KIRREL3: variants seen among roughly 807,000 people sequenced by gnomAD.
The protein encoded by KIRREL3 is kirre like nephrin family adhesion molecule 3, also known as kin of IRRE-like protein 3.
In KIRREL3, 36 loss-of-function variants were observed where a neutral mutation model predicts 89.7. That is an observed-to-expected ratio of 0.40 (90% CI 0.31 to 0.53). KIRREL3 has a LOEUF of 0.53. Ranked by LOEUF, KIRREL3 falls within the 20% of genes least tolerant of loss-of-function variation. The probability of loss-of-function intolerance (pLI) is 0.49; values close to 1 mark genes in which losing one functional copy is unlikely to be tolerated. For missense variants in KIRREL3, 864 were observed against 1,056.6 expected, an observed-to-expected ratio of 0.82 and a Z score of 2.53; for synonymous variants, 445 against 441.4, an observed-to-expected ratio of 1.01 and a Z score of -0.10.
In KIRREL3 at chr11:126,764,495, T is replaced by C. The variant is rs1008129435; in HGVS notation, c.56-201583A>G. Among the ~76,000 whole-genome samples, 1 of 152,198 alleles carries C rather than the reference T, an allele frequency of 6.6e-6. No homozygotes were observed. Among genetic ancestry groups the C allele is most frequent in the African/African-American group, 2.4e-5 (1 of 41,452 alleles). On this transcript the variant is annotated intron_variant, in intron 1 of 16. Coordinates refer to ENST00000525144, the MANE Select transcript of KIRREL3 (RefSeq NM_032531.4). The surrounding 1 kb of genome is among the most constrained non-coding windows in gnomAD (Gnocchi z 4.2). ...CAGAAGCAGTGAGGATCTTTCATCA[T>C]ATGCGCCTCTGATGCTCAACAACCT...
In KIRREL3 at chr11:126,708,570, C is replaced by T. The variant is rs189993164; in HGVS notation, c.56-145658G>A. 1.1e-3 allele frequency among the ~76,000 whole-genome samples: 172 copies of T among 152,244 alleles called. 1 individual carries two copies. Among genetic ancestry groups the T allele is most frequent in the Middle Eastern group, 3.4e-3 (1 of 294 alleles). On this transcript the variant is annotated intron_variant, in intron 1 of 16. Coordinates refer to ENST00000525144, the MANE Select transcript of KIRREL3 (RefSeq NM_032531.4). This position sits in a 1 kb window ranked among gnomAD's most constrained non-coding sequence, Gnocchi z 5.7. Reference sequence around the variant, plus strand: ...CTTCATTAACAAGTTGCTGTTCCGACGTGGGCTCCGGGGTGGGGAAGGAAG... The same window carrying T: ...CTTCATTAACAAGTTGCTGTTCCGATGTGGGCTCCGGGGTGGGGAAGGAAG...
At position 126,780,495 on chromosome 11, in the gene KIRREL3, A is replaced by G. The variant is rs1950296086; in HGVS notation, c.56-217583T>C. Among the ~76,000 whole-genome samples, 1 of 152,230 alleles carries G rather than the reference A, an allele frequency of 6.6e-6. No individual in the cohort carries two copies. The highest frequency in any genetic ancestry group is 2.1e-4 in the South Asian group (1 of 4,834). ...TCAGAATGACAGAGAATAAATCACC[A>G]GATTTGCTTGGCTTCTTTGAAAAAT... is the stretch of plus-strand genomic sequence containing the variant. On this transcript the variant is annotated intron_variant, in intron 1 of 16. Coordinates refer to ENST00000525144, the MANE Select transcript of KIRREL3 (RefSeq NM_032531.4). The surrounding 1 kb of genome is among the most constrained non-coding windows in gnomAD (Gnocchi z 5.3).
At chr11:126,858,505 CTCTCTG>C (rs1944608536) in intron 1 of KIRREL3, among the ~76,000 whole-genome samples, 1 of 152,140 alleles carries the variant, frequency 6.6e-6, no homozygotes. Context: ...AGTTAGCAAT[CTCTCTG>C]TCTCTGTCTC....
In KIRREL3 at chr11:126,785,586, G is replaced by A. The variant is rs145443288; in HGVS notation, c.55+214869C>T. 6.6e-3 allele frequency among the ~76,000 whole-genome samples: 1,001 copies of A among 152,174 alleles called. 9 individuals carry two copies. The highest frequency in any genetic ancestry group is 0.023 in the African/African-American group (958 of 41,522). ...ATAAAACAACACTGCTGATTAAAAA[G>A]CCTATAGAAGGCCAGGTGCAGTGGC... On this transcript the variant is annotated intron_variant, in intron 1 of 16. Coordinates refer to ENST00000525144, the MANE Select transcript of KIRREL3 (RefSeq NM_032531.4).
intron 1 of KIRREL3, among the ~76,000 whole-genome samples, chr11:126,930,404 T>C (rs1164677233): frequency 6.6e-6 from 1 of 152,196 alleles, no homozygotes; most frequent in Admixed American, 6.5e-5. Context: ...AGCATTGGAA[T>C]TGGGCTGCTC....
chr11:126,612,570 GT>G lies in KIRREL3; in HGVS notation c.56-49659del, dbSNP rs923350927. On this transcript the variant is annotated intron_variant, in intron 1 of 16. Coordinates refer to ENST00000525144, the MANE Select transcript of KIRREL3 (RefSeq NM_032531.4). The surrounding 1 kb of genome is among the most constrained non-coding windows in gnomAD (Gnocchi z 4.5). Reference sequence around the variant, plus strand: ...AAAATAGACAGTTCAGTAGTTTTAAGTATATTTACAACATTTTGCAACCATG... The same window carrying G: ...AAAATAGACAGTTCAGTAGTTTTAAGATATTTACAACATTTTGCAACCATG... 1.4e-4 allele frequency among the ~76,000 whole-genome samples: 22 copies of G among 152,132 alleles called. No individual in the cohort carries two copies. Among genetic ancestry groups the G allele is most frequent in the African/African-American group, 4.8e-4 (20 of 41,428 alleles).
At chr11:126,811,000 G>A (rs193103276) in intron 1 of KIRREL3, among the ~76,000 whole-genome samples, 4 of 152,194 alleles carry the variant, frequency 2.6e-5, no homozygotes, top group African/African-American at 9.6e-5. Context: ...CCTTGCAGCC[G>A]GTCTGACAAA....
intron 1 of KIRREL3, among the ~76,000 whole-genome samples, chr11:126,741,051 T>C (rs2134219104): frequency 6.6e-6 from 1 of 152,326 alleles, no homozygotes; most frequent in Admixed American, 6.5e-5. Context: ...AACCATCTCC[T>C]GGCATTACAT....
chr11:126,889,797 T>A (rs1007290871), intron 1 of KIRREL3, among the ~76,000 whole-genome samples: 1 of 152,232 alleles, frequency 6.6e-6, no homozygotes, highest in Non-Finnish European at 1.5e-5. Flanking sequence ...TAATTAGATA[T>A]CTTTTGCAGG....
At chr11:126,963,356 C>A (rs1369027687) in intron 1 of KIRREL3, among the ~76,000 whole-genome samples, 2 of 151,834 alleles carry the variant, frequency 1.3e-5, no homozygotes, top group Admixed American at 1.3e-4. Context: ...CAGACACACA[C>A]ACAGATTCTT....
chr11:126,662,614 T>A lies in KIRREL3; in HGVS notation c.56-99702A>T, dbSNP rs146788559. On this transcript the variant is annotated intron_variant, in intron 1 of 16. Coordinates refer to ENST00000525144, the MANE Select transcript of KIRREL3 (RefSeq NM_032531.4). Reference sequence around the variant, plus strand: ...TGCATAAGGGCATTAATCCCATTAATGAGGAAGGAAGTCTCATAGCCTGAT... The same window carrying A: ...TGCATAAGGGCATTAATCCCATTAAAGAGGAAGGAAGTCTCATAGCCTGAT... Among the ~76,000 whole-genome samples, 169 of 152,352 alleles carry A rather than the reference T, an allele frequency of 1.1e-3. 1 individual carries two copies. The highest frequency in any genetic ancestry group is 3.4e-3 in the Middle Eastern group (1 of 294).
chr11:126,669,110 A>G lies in KIRREL3; in HGVS notation c.56-106198T>C, dbSNP rs1223010628. Among the ~76,000 whole-genome samples, 4 of 152,076 alleles carry G rather than the reference A, an allele frequency of 2.6e-5. No homozygotes were observed. The highest frequency in any genetic ancestry group is 7.2e-5 in the African/African-American group (3 of 41,406). ...CTAATCAAAGGATTTCTGGCTCCCA[A>G]CTTGTCTGCTCTTTGTTTTGTTTTT... On this transcript the variant is annotated intron_variant, in intron 1 of 16. Coordinates refer to ENST00000525144, the MANE Select transcript of KIRREL3 (RefSeq NM_032531.4). This position sits in a 1 kb window ranked among gnomAD's most constrained non-coding sequence, Gnocchi z 5.0.
At chr11:126,439,820 A>G (rs1320727471) in intron 11 of KIRREL3, among the ~76,000 whole-genome samples, 6 of 150,730 alleles carry the variant, frequency 4.0e-5, no homozygotes, top group Admixed American at 1.3e-4. Context: ...TCCATCTCAA[A>G]AAACAAACAC....
At chr11:126,849,176 C>T (rs1944251421) in intron 1 of KIRREL3, among the ~76,000 whole-genome samples, 2 of 152,286 alleles carry the variant, frequency 1.3e-5, no homozygotes, top group South Asian at 2.1e-4. Flanking sequence ...CCCACTCAAA[C>T]CAAGATGTCG....
intron 1 of KIRREL3, among the ~76,000 whole-genome samples, chr11:126,799,415 C>G (rs112317894): frequency 2.1e-3 from 1 of 480 alleles, no homozygotes; most frequent in African/African-American, 7.6e-3. Flanking sequence ...TCTGTGTGTG[C>G]GTCTCTGTGT....
At position 126,516,302 on chromosome 11, in the gene KIRREL3, G is replaced by A. The variant is rs1958406617; in HGVS notation, c.433+5013C>T. ...TATTAGAACGGGCCAGGAAGAAGAG[G>A]GAAATGAGGAGGGAGACTGGGAAAA... On this transcript the variant is annotated intron_variant, in intron 4 of 16. Coordinates refer to ENST00000525144, the MANE Select transcript of KIRREL3 (RefSeq NM_032531.4). The surrounding 1 kb of genome is among the most constrained non-coding windows in gnomAD (Gnocchi z 4.9). 6.6e-6 allele frequency among the ~76,000 whole-genome samples: 1 copy of A among 152,054 alleles called. No individual in the cohort carries two copies. Among genetic ancestry groups the A allele is most frequent in the Non-Finnish European group, 1.5e-5 (1 of 68,020 alleles).
rs1243481281 is a variant in KIRREL3 at position 126,642,298 on chromosome 11, C to A, written c.56-79386G>T. Among the ~76,000 whole-genome samples the A allele has an allele frequency of 6.6e-6, 1 of 152,214 alleles. No homozygotes were observed. The highest frequency in any genetic ancestry group is 1.5e-5 in the Non-Finnish European group (1 of 68,034). On this transcript the variant is annotated intron_variant, in intron 1 of 16. Coordinates refer to ENST00000525144, the MANE Select transcript of KIRREL3 (RefSeq NM_032531.4). This position sits in a 1 kb window ranked among gnomAD's most constrained non-coding sequence, Gnocchi z 4.9. ...CCCCATTTCTGAGACCAGCAAGAGG[C>A]TCTGTTTGCGCCAAGTCTCCCTGTA...
In KIRREL3 at chr11:126,652,370, G is replaced by C. The variant is rs966285401; in HGVS notation, c.56-89458C>G. ...AACCAAGACAGGAGAGGAAGCCTGG[G>C]CCAAGCCTGCCTAGGGAGTCTATCG... On this transcript the variant is annotated intron_variant, in intron 1 of 16. Coordinates refer to ENST00000525144, the MANE Select transcript of KIRREL3 (RefSeq NM_032531.4). The surrounding 1 kb of genome is among the most constrained non-coding windows in gnomAD (Gnocchi z 4.9). Among the ~76,000 whole-genome samples, 2 of 152,120 alleles carry C rather than the reference G, an allele frequency of 1.3e-5. No homozygotes were observed. The highest frequency in any genetic ancestry group is 4.8e-5 in the African/African-American group (2 of 41,424).
intron 1 of KIRREL3, among the ~76,000 whole-genome samples, chr11:126,952,775 A>G (rs1948808178): frequency 1.3e-5 from 2 of 152,216 alleles, no homozygotes; most frequent in Non-Finnish European, 2.9e-5. Flanking sequence ...ATCCAAAACC[A>G]CGATGAGATA....
Sources: gnomAD v4.1 joint callset for allele counts (sites outside exome capture counted in the v4.1 genomes callset) on GRCh38, gnomAD v4.1.1 for gene constraint, Gnocchi (gnomAD v3.1) non-coding constraint, MANE v1.5 for transcripts, NCBI Gene and HGNC (gene_info 2026-07-23, HGNC 2026-07-21) for gene names.